ATP6V0E1: variants seen among roughly 807,000 people sequenced by gnomAD.
ATP6V0E1 encodes the protein V-type proton ATPase subunit e 1.
A neutral mutation model predicts 11.6 loss-of-function variants in ATP6V0E1; 4 were observed. The ratio of observed to expected loss-of-function variants is 0.35; its 90% confidence interval spans 0.17 to 0.79. The LOEUF is 0.79. ATP6V0E1 is among the 30% of genes least tolerant of loss of function. The pLI is 0.54. For synonymous variants in ATP6V0E1, 36 were observed against 34.8 expected (o/e 1.04, Z -0.13); for missense variants, 105 against 100.0 (o/e 1.05, Z -0.21).
At chr5:173,034,261 T>C (rs1052926664) in intron 3 of ATP6V0E1, 138 bp from the exon 4 acceptor site, 3 of 656,686 alleles carry the variant, frequency 4.6e-6, no homozygotes, top group Non-Finnish European at 8.4e-6. Context: ...TTGCACCAAG[T>C]TGATTATCCT....
chr5:173,034,399 G>C lies in ATP6V0E1; in HGVS notation c.*37G>C. On this transcript the variant is annotated splice_region_variant and 3_prime_UTR_variant, in exon 4 of 4. Transcript: ENST00000519374. ...TTACCAGAATGGTTTTGTTTTGCAGGTCACGAGAAGAGAATGCCTTCTAGA... is the reference window on the plus strand; with the variant it reads ...TTACCAGAATGGTTTTGTTTTGCAGCTCACGAGAAGAGAATGCCTTCTAGA... 1 of 702,946 alleles carries C rather than the reference G, an allele frequency of 1.4e-6. No homozygotes were observed. Among genetic ancestry groups the C allele is most frequent in the East Asian group, 2.7e-5 (1 of 37,288 alleles). 43.5% of individuals were successfully genotyped at this position (702,946 alleles called of 1,614,324 possible). A position where few individuals can be genotyped will look rare whatever the true frequency, so the allele number is the denominator to read the frequency against.
At chr5:173,008,029 ATAGTAGGCT>A (rs1756255421) in intron 2 of ATP6V0E1, among the ~76,000 whole-genome samples, 1 of 152,246 alleles carries the variant, frequency 6.6e-6, no homozygotes, top group South Asian at 2.1e-4. Context: ...GCCTCGAGCC[ATAGTAGGCT>A]TCACCAGAGG....
At chr5:173,009,475 T>C (rs1756283387) in intron 2 of ATP6V0E1, among the ~76,000 whole-genome samples, 3 of 148,232 alleles carry the variant, frequency 2.0e-5, no homozygotes, top group Non-Finnish European at 4.5e-5. Flanking sequence ...TTTTTTTTTT[T>C]TTTTGAGACA....
intron 2 of ATP6V0E1, among the ~76,000 whole-genome samples, chr5:173,006,113 C>G (rs1756225891): frequency 6.6e-6 from 1 of 151,536 alleles, no homozygotes; most frequent in Non-Finnish European, 1.5e-5. Flanking sequence ...TTCAAATTTT[C>G]TATGTCCTTA....
intron 2 of ATP6V0E1, among the ~76,000 whole-genome samples, chr5:172,999,613 C>T (rs764423246): frequency 2.6e-5 from 4 of 152,244 alleles, no homozygotes; most frequent in Non-Finnish European, 5.9e-5. Context: ...AGGCGTGAGC[C>T]ACCACGCCCA....
chr5:173,015,450 C>G (rs963986143), intron 2 of ATP6V0E1, among the ~76,000 whole-genome samples: 1 of 152,084 alleles, frequency 6.6e-6, no homozygotes, highest in African/African-American at 2.4e-5. Flanking sequence ...AATCACGAAC[C>G]AAGGAAGGAT....
rs1756082013 is a variant in ATP6V0E1 at position 172,997,438 on chromosome 5, TCA to T, written c.152+2617_152+2618del. Among the ~76,000 whole-genome samples the T allele has an allele frequency of 3.3e-5, 5 of 152,316 alleles. No homozygotes were observed. The South Asian group carries it at 8.3e-4, about 25-fold the overall frequency. On this transcript the variant is annotated intron_variant, in intron 2 of 3. Transcript: ENST00000519374. ...GTATATGCAAAGTAAGCAAGGAAAT[TCA>T]GTCTTTTTTTTTCTTCTTCTTCTTT...
At chr5:173,024,237 A>G (rs1378548348) in intron 3 of ATP6V0E1, among the ~76,000 whole-genome samples, 4 of 151,944 alleles carry the variant, frequency 2.6e-5, no homozygotes, top group African/African-American at 9.7e-5. Context: ...CAGATCATAC[A>G]AAAATACGGG....
intron 2 of ATP6V0E1, among the ~76,000 whole-genome samples, chr5:173,014,419 G>A (rs1384264475): frequency 6.6e-6 from 1 of 152,134 alleles, no homozygotes; most frequent in Admixed American, 6.5e-5. Flanking sequence ...CTGCACTCTC[G>A]CATGTTGATC....
chr5:173,027,894 G>A (rs1335472585), intron 3 of ATP6V0E1, among the ~76,000 whole-genome samples: 1 of 152,172 alleles, frequency 6.6e-6, no homozygotes, highest in African/African-American at 2.4e-5. Flanking sequence ...TCTAGTTCCA[G>A]CATTGCTTTT....
chr5:173,016,392 G>A (rs1324776406), intron 2 of ATP6V0E1, among the ~76,000 whole-genome samples: 3 of 152,238 alleles, frequency 2.0e-5, no homozygotes, highest in African/African-American at 7.2e-5. Context: ...TGTGAAAGCA[G>A]AGGAAAAGGA....
At chr5:173,007,973 T>C (rs1756254091) in intron 2 of ATP6V0E1, among the ~76,000 whole-genome samples, 1 of 152,178 alleles carries the variant, frequency 6.6e-6, no homozygotes, top group Non-Finnish European at 1.5e-5. Flanking sequence ...GGTTCTGAAG[T>C]TATTGCCAGG....
chr5:173,014,418 C>T (rs77264072), intron 2 of ATP6V0E1, among the ~76,000 whole-genome samples: 20 of 152,234 alleles, frequency 1.3e-4, no homozygotes, highest in African/African-American at 4.1e-4. Context: ...CCTGCACTCT[C>T]GCATGTTGAT....
At chr5:173,019,190 G>A (rs1445109097) in intron 2 of ATP6V0E1, among the ~76,000 whole-genome samples, 2 of 152,090 alleles carry the variant, frequency 1.3e-5, no homozygotes, top group South Asian at 2.1e-4. Flanking sequence ...TCCTGGCTTC[G>A]AGTGATCCTT....
chr5:172,991,375 A>G (rs1292202509), intron 1 of ATP6V0E1, among the ~76,000 whole-genome samples: 2 of 152,214 alleles, frequency 1.3e-5, no homozygotes, highest in Non-Finnish European at 2.9e-5. Flanking sequence ...ATGTGAAACT[A>G]TTAATATTAA....
chr5:172,995,469 A>G (rs927499746), intron 2 of ATP6V0E1, among the ~76,000 whole-genome samples: 1 of 152,234 alleles, frequency 6.6e-6, no homozygotes, highest in African/African-American at 2.4e-5. Flanking sequence ...TAATAAAGCT[A>G]TTCTTTACTG....
At chr5:172,985,194 G>C (rs1449267790) in intron 1 of ATP6V0E1, among the ~76,000 whole-genome samples, 1 of 148,628 alleles carries the variant, frequency 6.7e-6, no homozygotes. Flanking sequence ...GCAGTGAGCC[G>C]AGATCGCGCC....
Position 173,011,766 on chromosome 5 carries a change from G to T in ATP6V0E1, c.153-8472G>T, listed in dbSNP as rs190061025. Among the ~76,000 whole-genome samples the T allele has an allele frequency of 3.7e-4, 57 of 152,256 alleles. 1 individual carries two copies. Among genetic ancestry groups the T allele is most frequent in the Admixed American group, 3.9e-4 (6 of 15,274 alleles). Reference sequence around the variant, plus strand: ...GGCCCTCAGGTTATGAAGACATGCGGTACAGTTCGGGCAAACATGAAAGGT... The same window carrying T: ...GGCCCTCAGGTTATGAAGACATGCGTTACAGTTCGGGCAAACATGAAAGGT... On this transcript the variant is annotated intron_variant, in intron 2 of 3. Coordinates refer to ENST00000519374, the MANE Select transcript of ATP6V0E1 (RefSeq NM_003945.4).
At chr5:173,027,625 T>C (rs1756584266) in intron 3 of ATP6V0E1, among the ~76,000 whole-genome samples, 1 of 152,086 alleles carries the variant, frequency 6.6e-6, no homozygotes, top group African/African-American at 2.4e-5. Context: ...TTTGTTTTTG[T>C]TTTTGTTTTA....
Sources: gnomAD v4.1 joint callset for allele counts (sites outside exome capture counted in the v4.1 genomes callset) on GRCh38, gnomAD v4.1.1 for gene constraint, MANE v1.5 for transcripts, NCBI Gene and HGNC (gene_info 2026-07-23, HGNC 2026-07-21) for gene names.